Variants in ERN2 observed in about 807,000 individuals in gnomAD.
ERN2 encodes endoplasmic reticulum to nucleus signaling 2, also known as serine/threonine-protein kinase/endoribonuclease IRE2.
A neutral mutation model predicts 107.9 loss-of-function variants in ERN2; 111 were observed. That is an observed-to-expected ratio of 1.03 (90% confidence interval 0.88 to 1.20). The LOEUF is 1.20. Among genes scored for constraint, ERN2 ranks in the 50% most tolerant of loss-of-function variants. ERN2 has a pLI of 0.00. For missense variants in ERN2, 1,225 were observed against 1,197.9 expected, an observed-to-expected ratio of 1.02 and a Z score of -0.33; for synonymous variants, 524 against 501.7, an observed-to-expected ratio of 1.04 and a Z score of -0.59.
At chr16:23,708,347 C>A (rs796178764) in intron 4 of ERN2, among the ~76,000 whole-genome samples, 1 of 54,714 alleles carries the variant, frequency 1.8e-5, no homozygotes, top group South Asian at 5.8e-4. Context: ...TGGTGCTATT[C>A]TTTTTTTTTT....
At position 23,700,604 on chromosome 16, in the gene ERN2, C is replaced by A. The variant is rs26764; in HGVS notation, c.1460G>T (p.Ser487Ile). ...QDAQSLHSGA[S>I]RRSQKRLQSP... ...CTGAAGCCTCTTCTGGCTCCTCCGGCTGGCCCCCGAGTGCAGGGACTGGGC... is the reference window on the plus strand; with the variant it reads ...CTGAAGCCTCTTCTGGCTCCTCCGGATGGCCCCCGAGTGCAGGGACTGGGC... Residue 487 changes from serine (S) to isoleucine (I), a missense_variant, in exon 13 of 22, where the codon AGC becomes ATC. Ser to Ile is a moderately radical substitution (Grantham distance 142). Coordinates refer to ENST00000256797, the MANE Select transcript of ERN2 (RefSeq NM_033266.4). 1.2e-6 allele frequency: 2 copies of A among 1,613,872 alleles called. No individual in the cohort carries two copies. Among genetic ancestry groups the A allele is most frequent in the Non-Finnish European group, 1.7e-6 (2 of 1,179,908 alleles).
At chr16:23,699,626 T>C (rs2141011536) in intron 13 of ERN2, among the ~76,000 whole-genome samples, 1 of 152,288 alleles carries the variant, frequency 6.6e-6, no homozygotes, top group South Asian at 2.1e-4. Flanking sequence ...GGTCTCCCTA[T>C]GTTGCCCAGG....
In ERN2 at chr16:23,706,753, C is replaced by T. The variant is rs779785682; in HGVS notation, c.487+1G>A. On this transcript the variant is annotated splice_donor_variant, in intron 6 of 21. Transcript: ENST00000256797. LOFTEE classifies it high-confidence loss of function. ...TGAGGAACAGCTGGGGCCCAACTCA[C>T]GTGTTCGGCCAATGTAGAGGCGGGG... is the stretch of plus-strand genomic sequence containing the variant. The T allele has an allele frequency of 1.9e-5, 31 of 1,594,450 alleles. No individual in the cohort carries two copies. Among genetic ancestry groups the T allele is most frequent in the South Asian group, 6.7e-5 (6 of 89,860 alleles).
intron 16 of ERN2, 23 bp downstream of exon 16, chr16:23,694,996 G>C: frequency 1.2e-6 from 2 of 1,613,038 alleles, no homozygotes; most frequent in South Asian, 1.1e-5. Context: ...ACAGGGAGCG[G>C]GAGGCAGGGG....
chr16:23,700,807 A>G, intron 12 of ERN2, 103 bp from the exon 13 acceptor site: 6 of 1,486,192 alleles, frequency 4.0e-6, no homozygotes, highest in Non-Finnish European at 5.4e-6. Flanking sequence ...GCATGAACTT[A>G]CAGAGCAAGA....
At chr16:23,706,665 G>T in intron 6 of ERN2, 89 bp downstream of exon 6, 1 of 929,740 alleles carries the variant, frequency 1.1e-6, no homozygotes, top group Non-Finnish European at 1.7e-6. Flanking sequence ...TGACTGTCCT[G>T]AATTCAACTT....
intron 4 of ERN2, among the ~76,000 whole-genome samples, chr16:23,707,677 C>A (rs371567461): frequency 1.3e-5 from 2 of 152,292 alleles, no homozygotes; most frequent in African/African-American, 4.8e-5. Context: ...TGTGCCACTG[C>A]ACTCCAGCCG....
At chr16:23,700,760 G>A (rs566249543) in intron 12 of ERN2, 56 bp from the exon 13 acceptor site, 1 of 1,555,716 alleles carries the variant, frequency 6.4e-7, no homozygotes, top group South Asian at 1.2e-5. Context: ...CCCCGTGATG[G>A]GCCCAGTATC....
intron 12 of ERN2, 47 bp from the exon 13 acceptor site, chr16:23,700,751 C>T (rs552394748): frequency 3.8e-6 from 6 of 1,569,554 alleles, no homozygotes; most frequent in Middle Eastern, 1.8e-4. Flanking sequence ...CACGCCCTGC[C>T]CCGTGATGGG....
At chr16:23,707,270 C>A in intron 4 of ERN2, 191 bp from the exon 5 acceptor site, 1 of 598,244 alleles carries the variant, frequency 1.7e-6, no homozygotes, top group Non-Finnish European at 3.1e-6. Flanking sequence ...ATGGCAGAGC[C>A]TGGCCTTGAA....
intron 2 of ERN2, among the ~76,000 whole-genome samples, 161 bp downstream of exon 2, chr16:23,710,752 G>C (rs1340745871): frequency 6.6e-6 from 1 of 152,250 alleles, no homozygotes; most frequent in African/African-American, 2.4e-5. Context: ...AGAGAGGTAA[G>C]GTGGGTTTCT....
chr16:23,707,629 C>T (rs534480544), intron 4 of ERN2, among the ~76,000 whole-genome samples: 3 of 152,102 alleles, frequency 2.0e-5, no homozygotes, highest in East Asian at 3.9e-4. Context: ...GCAGGAGGAT[C>T]GCTTAAGTCC....
At chr16:23,699,279 A>C (rs1308968460) in intron 13 of ERN2, among the ~76,000 whole-genome samples, 1 of 152,154 alleles carries the variant, frequency 6.6e-6, no homozygotes, top group Non-Finnish European at 1.5e-5. Context: ...TGTGGCATAG[A>C]CTTCCGCCTG....
At chr16:23,709,252 C>A (rs773577186) in intron 4 of ERN2, 18 of 448,154 alleles carry the variant, frequency 4.0e-5, no homozygotes, top group African/African-American at 3.4e-4. Flanking sequence ...GCCTTGTGAT[C>A]GTACCACTGC....
chr16:23,712,112 G>A (rs749303385), intron 1 of ERN2: 1 of 432,516 alleles, frequency 2.3e-6, no homozygotes, highest in South Asian at 1.6e-5. Context: ...AGGACCCTCA[G>A]GTTTGGGGCT....
rs1367676021 is a variant in ERN2, at chr16:23,700,714, G to A, written c.1360-10C>T. On this transcript the variant is annotated splice_polypyrimidine_tract_variant and intron_variant, in intron 12 of 21. Transcript: ENST00000256797. ...CCACCTGCGGCTGTTGCTGTAACATGAGAGCCTAAGAGAGCTTTGTCCTGG... is the reference window on the plus strand; with the variant it reads ...CCACCTGCGGCTGTTGCTGTAACATAAGAGCCTAAGAGAGCTTTGTCCTGG... The A allele has an allele frequency of 6.2e-7, 1 of 1,605,740 alleles. No individual in the cohort carries two copies. Among genetic ancestry groups the A allele is most frequent in the South Asian group, 1.1e-5 (1 of 89,746 alleles).
chr16:23,695,105 G>T lies in ERN2; in HGVS notation c.1814C>A (p.Pro605Gln). The T allele has an allele frequency of 6.2e-7, 1 of 1,613,992 alleles. No individual in the cohort carries two copies. Among genetic ancestry groups the T allele is most frequent in the Non-Finnish European group, 8.5e-7 (1 of 1,179,940 alleles). The change falls in exon 16 of 22, where the codon CCG becomes CAG. Residue 605 changes from proline (P) to glutamine (Q), a missense_variant. Physicochemically the swap from Pro to Gln is moderately conservative, Grantham distance 76 (BLOSUM62 -1). Transcript: ENST00000256797. ...CTCCAGACCCCCGCGATCCAGGTCC[G>T]GGTTTTCTACGTACTGAGCAGCAGC... ...RASLQEYVEN[P>Q]DLDRGGLEPE...
chr16:23,708,964 C>G (rs1960433752), intron 4 of ERN2, among the ~76,000 whole-genome samples: 1 of 152,208 alleles, frequency 6.6e-6, no homozygotes, highest in African/African-American at 2.4e-5. Context: ...CTTGTGGTTT[C>G]CTATACTCTG....
rs757285302 is a variant in ERN2 at position 23,691,190 on chromosome 16, C to G, written c.2507G>C (p.Arg836Thr). 2 of 1,614,112 alleles carry G rather than the reference C, an allele frequency of 1.2e-6. No individual in the cohort carries two copies. The highest frequency in any genetic ancestry group is 1.7e-5 in the Admixed American group (1 of 60,014). Residue 836 changes from arginine (R) to threonine (T), a missense_variant, in exon 21 of 22, where the codon AGA becomes ACA. By Grantham distance (71) the Arg-to-Thr change is moderately conservative (BLOSUM62 -1). Transcript: ENST00000256797. ...TGTCCCCTTATAGGACCGGAACTTT[C>G]TCAGATCTGTGGACAGGGAATTCAG... The part of the protein sequence containing the change: ...HISMPLQTDL[R>T]KFRSYKGTSV...
Sources: allele counts gnomAD v4.1 joint callset (sites outside exome capture counted in the v4.1 genomes callset), GRCh38; gene constraint gnomAD v4.1.1; transcripts MANE v1.5; gene names NCBI Gene and HGNC (gene_info 2026-07-23, HGNC 2026-07-21).